SPATA16: variants seen among roughly 807,000 people sequenced by gnomAD.
SPATA16 encodes the protein spermatogenesis-associated protein 16.
SPATA16 carries 36 observed loss-of-function variants against 63.3 expected under a neutral mutation model. The ratio of observed to expected loss-of-function variants is 0.57; its 90% CI spans 0.44 to 0.75. The LOEUF (loss-of-function observed/expected upper bound fraction) is 0.75. Ranked by LOEUF, SPATA16 falls within the 30% of genes least tolerant of loss-of-function variation. The probability of loss-of-function intolerance (pLI) is 0.00; values close to 1 mark genes in which losing one functional copy is unlikely to be tolerated. For missense variants in SPATA16, 646 were observed against 679.3 expected (o/e 0.95, Z 0.54); for synonymous variants, 203 against 216.7 (o/e 0.94, Z 0.56).
intron 10 of SPATA16, among the ~76,000 whole-genome samples, chr3:172,895,499 C>G (rs1203922384): frequency 1.3e-5 from 2 of 152,022 alleles, no homozygotes; most frequent in Non-Finnish European, 2.9e-5. Flanking sequence ...CCACAGTAGG[C>G]TAATTTTTGT....
chr3:173,065,487 C>T (rs2861067), intron 2 of SPATA16, among the ~76,000 whole-genome samples: 63,892 of 151,956 alleles, frequency 0.42, 14,924 homozygotes, highest in African/African-American at 0.64. Flanking sequence ...TCCCCAACAA[C>T]AACACCAAAT....
chr3:173,042,114 C>T (rs940295008), intron 3 of SPATA16, among the ~76,000 whole-genome samples: 7 of 152,172 alleles, frequency 4.6e-5, no homozygotes, highest in Non-Finnish European at 7.4e-5. Context: ...TCATAATTAT[C>T]CACGAAACTG....
chr3:172,975,866 CATATA>C (rs1249508180), intron 5 of SPATA16, among the ~76,000 whole-genome samples: 2 of 150,706 alleles, frequency 1.3e-5, no homozygotes, highest in Non-Finnish European at 3.0e-5. Flanking sequence ...ACAAAGATAA[CATATA>C]ATATAGAGAG....
intron 3 of SPATA16, among the ~76,000 whole-genome samples, chr3:173,040,128 T>C (rs544631171): frequency 6.6e-6 from 1 of 152,220 alleles, no homozygotes; most frequent in East Asian, 1.9e-4. Context: ...TCCTCCTCCT[T>C]TACTTCTTTA....
At chr3:173,108,427 T>C (rs1737670474) in intron 2 of SPATA16, among the ~76,000 whole-genome samples, 2 of 152,184 alleles carry the variant, frequency 1.3e-5, no homozygotes, top group South Asian at 2.1e-4. Context: ...TTAAAACCTA[T>C]TGTGATTTTA....
chr3:172,922,014 T>C (rs889511818), intron 8 of SPATA16, among the ~76,000 whole-genome samples: 2 of 152,222 alleles, frequency 1.3e-5, no homozygotes, highest in Non-Finnish European at 1.5e-5. Context: ...TTGAAGGGTC[T>C]TAAAAACACT....
chr3:173,069,848 T>C (rs1736622911), intron 2 of SPATA16, among the ~76,000 whole-genome samples: 1 of 152,118 alleles, frequency 6.6e-6, no homozygotes, highest in Non-Finnish European at 1.5e-5. Context: ...CATCAATAAA[T>C]GTAATACACC....
At chr3:173,080,830 T>C (rs1286071405) in intron 2 of SPATA16, among the ~76,000 whole-genome samples, 1 of 152,194 alleles carries the variant, frequency 6.6e-6, no homozygotes, top group African/African-American at 2.4e-5. Context: ...TTTTGCATAA[T>C]GTGCAAGAGT....
intron 4 of SPATA16, among the ~76,000 whole-genome samples, chr3:173,014,738 C>T (rs142636571): frequency 6.6e-6 from 1 of 152,216 alleles, no homozygotes; most frequent in African/African-American, 2.4e-5. Context: ...TGGCCACTCT[C>T]TTTGGAAGGG....
chr3:173,099,122 A>G (rs893119026), intron 2 of SPATA16, among the ~76,000 whole-genome samples: 3 of 152,174 alleles, frequency 2.0e-5, no homozygotes, highest in Non-Finnish European at 4.4e-5. Flanking sequence ...CAGAAGGTCA[A>G]TAGTAGCATA....
intron 2 of SPATA16, among the ~76,000 whole-genome samples, chr3:173,064,570 G>A (rs779427525): frequency 3.1e-4 from 47 of 152,062 alleles, no homozygotes; most frequent in Non-Finnish European, 4.9e-4. Flanking sequence ...TTGGACTAAG[G>A]GTGGGCAATC....
chr3:173,042,209 TTTTA>T (rs1735858123), intron 3 of SPATA16, among the ~76,000 whole-genome samples: 2 of 152,048 alleles, frequency 1.3e-5, no homozygotes, highest in African/African-American at 4.8e-5. Context: ...CAGAAGGGTA[TTTTA>T]TTTATTAATT....
In SPATA16 at chr3:172,916,311, A is replaced by G. The variant is rs765773095; in HGVS notation, c.1503+6T>C. On this transcript the variant is annotated splice_donor_region_variant and intron_variant, in intron 9 of 10. Coordinates refer to ENST00000351008, the MANE Select transcript of SPATA16 (RefSeq NM_031955.6). Reference sequence around the variant, plus strand: ...ATGAAACCCTTAAACAAAGAAAAATACTTACCAATTCTGCCTCCTGTTGAC... The same window carrying G: ...ATGAAACCCTTAAACAAAGAAAAATGCTTACCAATTCTGCCTCCTGTTGAC... 1.2e-5 allele frequency: 20 copies of G among 1,612,932 alleles called. No homozygotes were observed. The highest frequency in any genetic ancestry group is 3.3e-5 in the South Asian group (3 of 91,066).
intron 3 of SPATA16, among the ~76,000 whole-genome samples, chr3:173,021,929 G>A (rs1018043799): frequency 6.6e-6 from 1 of 151,922 alleles, no homozygotes; most frequent in African/African-American, 2.4e-5. Context: ...TTTTTGCTTT[G>A]CCGAGCTATT....
chr3:173,010,382 G>C (rs529772043), intron 4 of SPATA16, among the ~76,000 whole-genome samples: 213 of 152,192 alleles, frequency 1.4e-3, no homozygotes, highest in African/African-American at 4.8e-3. Context: ...CCCACTGGTT[G>C]GGGCTCCCAG....
intron 2 of SPATA16, among the ~76,000 whole-genome samples, chr3:173,059,168 G>A (rs1203724012): frequency 2.0e-5 from 3 of 151,828 alleles, no homozygotes; most frequent in Admixed American, 6.6e-5. Flanking sequence ...CTAGAATTGC[G>A]GAAGGTTTGA....
At chr3:173,034,871 T>C (rs1340582928) in intron 3 of SPATA16, among the ~76,000 whole-genome samples, 1 of 152,146 alleles carries the variant, frequency 6.6e-6, no homozygotes, top group African/African-American at 2.4e-5. Flanking sequence ...AGTAATATTA[T>C]AAATGAATGT....
At chr3:172,931,793 C>T (rs982274053) in intron 6 of SPATA16, among the ~76,000 whole-genome samples, 1 of 152,200 alleles carries the variant, frequency 6.6e-6, no homozygotes, top group African/African-American at 2.4e-5. Flanking sequence ...CAAATGGGTT[C>T]TGTTCACCTT....
At chr3:173,089,778 A>G (rs945111185) in intron 2 of SPATA16, among the ~76,000 whole-genome samples, 11 of 152,110 alleles carry the variant, frequency 7.2e-5, no homozygotes, top group African/African-American at 2.7e-4. Flanking sequence ...GCAGGAGGAA[A>G]CGGGAAGGTG....
Sources: allele counts gnomAD v4.1 joint callset (sites outside exome capture counted in the v4.1 genomes callset), GRCh38; gene constraint gnomAD v4.1.1; transcripts MANE v1.5; gene names NCBI Gene and HGNC (gene_info 2026-07-23, HGNC 2026-07-21).